The following SLC2A9 variants were observed in gnomAD, a reference collection of about 807,000 sequenced individuals.
The protein encoded by SLC2A9 is solute carrier family 2 member 9.
Under a neutral mutation model 50.6 loss-of-function variants are expected in SLC2A9, and 39 were observed. The observed-to-expected ratio is 0.77, with a 90% confidence interval of 0.60 to 1.01. SLC2A9 has a LOEUF of 1.01. Among genes scored for constraint, SLC2A9 ranks in the 50% least tolerant of loss-of-function variants. The pLI, the probability that SLC2A9 is intolerant of heterozygous loss-of-function variation, is 0.00. For missense variants in SLC2A9, 686 were observed against 677.6 expected, an observed-to-expected ratio of 1.01 and a Z score of -0.14; for synonymous variants, 324 against 276.9, an observed-to-expected ratio of 1.17 and a Z score of -1.69.
intron 10 of SLC2A9, among the ~76,000 whole-genome samples, chr4:9,870,865 G>A (rs1192969012): frequency 2.0e-5 from 3 of 152,170 alleles, no homozygotes; most frequent in Non-Finnish European, 2.9e-5. Flanking sequence ...ACTTTGTAAG[G>A]ATTAGGGTGA....
At chr4:9,803,686 T>G (rs1177638487) in intron 3 of SLC2A9, among the ~76,000 whole-genome samples, 1 of 152,228 alleles carries the variant, frequency 6.6e-6, no homozygotes, top group East Asian at 1.9e-4. Context: ...TATCACTTGA[T>G]ATTATGTGTC....
At chr4:9,945,141 A>T (rs1260168144) in intron 5 of SLC2A9, among the ~76,000 whole-genome samples, 2 of 152,262 alleles carry the variant, frequency 1.3e-5, no homozygotes, top group Non-Finnish European at 2.9e-5. Flanking sequence ...AGGGGCTTGC[A>T]GCCAGGATCA....
At chr4:9,781,332 C>T (rs1359672615) in intron 3 of SLC2A9, among the ~76,000 whole-genome samples, 2 of 152,244 alleles carry the variant, frequency 1.3e-5, no homozygotes, top group Non-Finnish European at 2.9e-5. Flanking sequence ...TGCTCTTTCC[C>T]CCTCCGGAAG....
At position 9,856,951 on chromosome 4, in the gene SLC2A9, C is replaced by T. The variant is rs561419851; in HGVS notation, c.1292-21943G>A. On this transcript the variant is annotated intron_variant, in intron 10 of 11. Transcript: ENST00000264784. ...ACACAAGGGAACAATGACACTGTGGCCTACTTGAGGGTGAGGGATGGGAGG... is the reference window on the plus strand; with the variant it reads ...ACACAAGGGAACAATGACACTGTGGTCTACTTGAGGGTGAGGGATGGGAGG... 4.8e-4 allele frequency among the ~76,000 whole-genome samples: 73 copies of T among 152,144 alleles called. No individual in the cohort carries two copies. In the South Asian group the frequency reaches 0.014, roughly 30 times the overall value.
intron 8 of SLC2A9, among the ~76,000 whole-genome samples, chr4:9,907,673 T>C (rs1740933336): frequency 6.6e-6 from 1 of 152,220 alleles, no homozygotes; most frequent in Non-Finnish European, 1.5e-5. Context: ...GGGGACAATA[T>C]GGCCCTGTTT....
intron 3 of SLC2A9, among the ~76,000 whole-genome samples, chr4:9,819,764 T>A (rs956091318): frequency 6.6e-6 from 1 of 152,222 alleles, no homozygotes; most frequent in Non-Finnish European, 1.5e-5. Flanking sequence ...TGAAACCCCA[T>A]TTCCACTAAT....
At chr4:9,895,342 A>G (rs1159619493) in intron 8 of SLC2A9, among the ~76,000 whole-genome samples, 8 of 152,258 alleles carry the variant, frequency 5.3e-5, no homozygotes, top group Non-Finnish European at 1.2e-4. Context: ...TCTGACAATC[A>G]GTCTCCCGGC....
chr4:9,895,454 T>A (rs1438240659), intron 8 of SLC2A9, among the ~76,000 whole-genome samples: 11 of 152,112 alleles, frequency 7.2e-5, no homozygotes, highest in Admixed American at 7.2e-4. Context: ...AAATCATGAG[T>A]GAAGACATTA....
rs980474965 is a variant in SLC2A9 at position 9,853,749 on chromosome 4, A to C, written c.1292-18741T>G. ...AATTGACCACACAATTGGCCATAAA[A>C]CAATATTCAGCAAATTGACAAAAAA... On this transcript the variant is annotated intron_variant, in intron 10 of 11. Coordinates refer to ENST00000264784, the MANE Select transcript of SLC2A9 (RefSeq NM_020041.3). Among the ~76,000 whole-genome samples the C allele has an allele frequency of 5.3e-5, 8 of 152,348 alleles. No individual in the cohort carries two copies. In the East Asian group the frequency reaches 1.5e-3, roughly 29 times the overall value.
intron 3 of SLC2A9, among the ~76,000 whole-genome samples, chr4:9,819,448 C>T (rs991088590): frequency 9.2e-5 from 14 of 152,306 alleles, no homozygotes; most frequent in African/African-American, 3.4e-4. Flanking sequence ...CACCTTTCTT[C>T]ATGCTTATTT....
intron 1 of SLC2A9, chr4:10,028,909 C>T (rs1034186503): frequency 2.6e-5 from 4 of 152,450 alleles, no homozygotes; most frequent in African/African-American, 9.6e-5. Flanking sequence ...TGGGGTGAAG[C>T]TTCAGCCCAA....
At chr4:9,904,449 C>G (rs56003345) in intron 8 of SLC2A9, among the ~76,000 whole-genome samples, 12,588 of 152,252 alleles carry the variant, frequency 0.083, 781 homozygotes, top group Non-Finnish European at 0.11. Flanking sequence ...CTGCCTCCCC[C>G]TTTCACTTAC....
chr4:9,782,970 T>A (rs770721714), intron 3 of SLC2A9: 3 of 1,614,120 alleles, frequency 1.9e-6, no homozygotes, highest in Non-Finnish European at 2.5e-6. Context: ...CCCTTCTTCA[T>A]CCTTAACTGC....
At chr4:10,040,134 T>C (rs1223460879) in exon 1 of SLC2A9, 3 of 152,402 alleles carry the variant, frequency 2.0e-5, no homozygotes, top group African/African-American at 7.2e-5. Context: ...ACTCACATTT[T>C]AGGGTTTTCC....
At chr4:10,028,211 G>GT (rs1763817135) in intron 1 of SLC2A9, among the ~76,000 whole-genome samples, 1 of 152,238 alleles carries the variant, frequency 6.6e-6, no homozygotes, top group South Asian at 2.1e-4. Flanking sequence ...CAATTTCATG[G>GT]TGGGTCAGTC....
At chr4:10,026,491 C>T (rs1763757619), upstream of SLC2A9, among the ~76,000 whole-genome samples, 1 of 152,096 alleles carries the variant, frequency 6.6e-6, no homozygotes, top group Admixed American at 6.5e-5. Context: ...ACCACATGAC[C>T]CAGCAATTCC....
chr4:9,936,914 C>A (rs1448514031), intron 6 of SLC2A9, among the ~76,000 whole-genome samples: 1 of 152,170 alleles, frequency 6.6e-6, no homozygotes, highest in Non-Finnish European at 1.5e-5. Flanking sequence ...ATCATGTCAT[C>A]CCAAGAGCAA....
At chr4:10,029,886 T>A (rs979217797) in intron 1 of SLC2A9, among the ~76,000 whole-genome samples, 1 of 152,158 alleles carries the variant, frequency 6.6e-6, no homozygotes, top group African/African-American at 2.4e-5. Context: ...TCTACCTGCC[T>A]CAGCCTCCCA....
intron 5 of SLC2A9, among the ~76,000 whole-genome samples, chr4:9,944,634 T>A (rs1255261604): frequency 6.6e-6 from 1 of 152,136 alleles, no homozygotes; most frequent in Non-Finnish European, 1.5e-5. Context: ...TCTGCACACA[T>A]CCCTGGGGTG....
Sources: allele counts gnomAD v4.1 joint callset (sites outside exome capture counted in the v4.1 genomes callset), GRCh38; gene constraint gnomAD v4.1.1; transcripts MANE v1.5; gene names NCBI Gene and HGNC (gene_info 2026-07-23, HGNC 2026-07-21).